NFATC3: variants seen among roughly 807,000 people sequenced by gnomAD.
NFATC3 encodes nuclear factor of activated T-cells, cytoplasmic 3.
In NFATC3, 46 loss-of-function variants were observed where a neutral mutation model predicts 98.6. That is an observed-to-expected ratio of 0.47 (90% CI 0.37 to 0.60). The LOEUF (loss-of-function observed/expected upper bound fraction) is 0.60. Among genes scored for constraint, NFATC3 ranks in the 20% least tolerant of loss-of-function variants. The pLI is 0.00. For missense variants in NFATC3, 1,256 were observed against 1,295.5 expected (o/e 0.97, Z 0.47); for synonymous variants, 512 against 472.2 (o/e 1.08, Z -1.09).
intron 2 of NFATC3, 36 bp from the exon 3 acceptor site, chr16:68,126,412 C>T (rs371911509): frequency 1.1e-5 from 17 of 1,581,908 alleles, no homozygotes; most frequent in Admixed American, 6.9e-5. Context: ...GCAATAATAG[C>T]ATGGTGACAT....
At chr16:68,182,506 A>C (rs777244603) in intron 7 of NFATC3, among the ~76,000 whole-genome samples, 339 of 152,116 alleles carry the variant, frequency 2.2e-3, no homozygotes, top group Non-Finnish European at 2.0e-3. Context: ...CATTTGGATT[A>C]TTTTATTTTT....
At chr16:68,218,365 A>G (rs2041714757) in intron 9 of NFATC3, among the ~76,000 whole-genome samples, 1 of 151,586 alleles carries the variant, frequency 6.6e-6, no homozygotes, top group African/African-American at 2.4e-5. Context: ...ACTTGAGTTC[A>G]GGAGTTTGAG....
intron 1 of NFATC3, among the ~76,000 whole-genome samples, chr16:68,105,998 C>T (rs917122400): frequency 2.6e-5 from 4 of 152,020 alleles, no homozygotes; most frequent in Non-Finnish European, 2.9e-5. Flanking sequence ...CCTGCCTCAG[C>T]CTCCCTAGTA....
At chr16:68,215,244 G>A (rs1464092267) in intron 9 of NFATC3, among the ~76,000 whole-genome samples, 1 of 152,130 alleles carries the variant, frequency 6.6e-6, no homozygotes, top group Non-Finnish European at 1.5e-5. Flanking sequence ...ACTTCTCCCA[G>A]AACTGGGCCT....
At chr16:68,095,309 G>GT (rs1451607636) in intron 1 of NFATC3, among the ~76,000 whole-genome samples, 1 of 150,414 alleles carries the variant, frequency 6.6e-6, no homozygotes, top group East Asian at 2.0e-4. Flanking sequence ...AGTAGCTGAA[G>GT]TAGCTGGGAT....
chr16:68,217,464 CAAAAAAAAAAAAAAA>C (rs68079157), intron 9 of NFATC3, among the ~76,000 whole-genome samples: 1 of 44,962 alleles, frequency 2.2e-5, no homozygotes, highest in East Asian at 7.8e-4. Flanking sequence ...GTCTCTGTCT[CAAAAAAAAAAAAAAA>C]AAAAAAAAAA....
chr16:68,206,334 T>G (rs1372310159), intron 9 of NFATC3, among the ~76,000 whole-genome samples: 1 of 152,196 alleles, frequency 6.6e-6, no homozygotes, highest in Admixed American at 6.5e-5. Context: ...CCACCACCAC[T>G]TTCTATTTCC....
chr16:68,111,470 G>T (rs975605647), intron 1 of NFATC3, among the ~76,000 whole-genome samples: 4 of 151,968 alleles, frequency 2.6e-5, no homozygotes, highest in African/African-American at 9.7e-5. Context: ...CCTTCCATTT[G>T]CTTTGTAAAT....
intron 9 of NFATC3, among the ~76,000 whole-genome samples, chr16:68,198,733 G>A (rs1181742342): frequency 6.6e-6 from 1 of 152,008 alleles, no homozygotes; most frequent in African/African-American, 2.4e-5. Context: ...AATATACCCT[G>A]TCTCTACCAA....
At chr16:68,221,248 G>T (rs372003245) in intron 9 of NFATC3, 3 of 1,613,968 alleles carry the variant, frequency 1.9e-6, no homozygotes, top group African/African-American at 2.7e-5. Flanking sequence ...CTACGTTTTG[G>T]CCAGTCCCAG....
At chr16:68,174,771 C>T (rs1399873270) in intron 6 of NFATC3, among the ~76,000 whole-genome samples, 6 of 152,072 alleles carry the variant, frequency 3.9e-5, no homozygotes, top group Admixed American at 3.9e-4. Context: ...TCACTTAGGC[C>T]CAGAAGTTCT....
chr16:68,207,851 T>C (rs2151150031), intron 9 of NFATC3, among the ~76,000 whole-genome samples: 1 of 152,296 alleles, frequency 6.6e-6, no homozygotes, highest in African/African-American at 2.4e-5. Flanking sequence ...GGCTTTCAGT[T>C]TCTTTATACC....
chr16:68,221,000 G>T (rs188017398), intron 9 of NFATC3, among the ~76,000 whole-genome samples: 1 of 152,146 alleles, frequency 6.6e-6, no homozygotes, highest in Non-Finnish European at 1.5e-5. Context: ...TCCTGCCTTG[G>T]CTTCCCCTAG....
rs7198730 is a variant in NFATC3, at chr16:68,151,555, G to A, written c.1402-6314G>A. 6.2e-3 allele frequency among the ~76,000 whole-genome samples: 941 copies of A among 152,208 alleles called. 10 individuals are homozygous for A. Among genetic ancestry groups the A allele is most frequent in the African/African-American group, 0.022 (898 of 41,522 alleles). On this transcript the variant is annotated intron_variant, in intron 3 of 9. Coordinates refer to ENST00000346183, the MANE Select transcript of NFATC3 (RefSeq NM_173165.3). Reference sequence around the variant, plus strand: ...TTCCTTATACATGAATGTCTGATGGGATATTCTCAAATTCTGTGAGATGTA... The same window carrying A: ...TTCCTTATACATGAATGTCTGATGGAATATTCTCAAATTCTGTGAGATGTA...
intron 3 of NFATC3, among the ~76,000 whole-genome samples, chr16:68,144,988 G>T (rs74626917): frequency 2.6e-3 from 388 of 151,802 alleles, no homozygotes; most frequent in African/African-American, 8.7e-3. Flanking sequence ...AATTTTTTTC[G>T]TAGAGATGGC....
At chr16:68,218,399 C>A (rs758682112) in intron 9 of NFATC3, among the ~76,000 whole-genome samples, 1 of 150,598 alleles carries the variant, frequency 6.6e-6, no homozygotes, top group African/African-American at 2.4e-5. Context: ...ACATGGCAAA[C>A]CCTGTTTCTA....
At chr16:68,101,628 C>T (rs567917534) in intron 1 of NFATC3, among the ~76,000 whole-genome samples, 6 of 152,018 alleles carry the variant, frequency 3.9e-5, no homozygotes, top group South Asian at 4.2e-4. Context: ...GGACTACAGG[C>T]GCCTGCCACC....
At chr16:68,171,702 T>C (rs1320708257) in intron 5 of NFATC3, among the ~76,000 whole-genome samples, 3 of 152,118 alleles carry the variant, frequency 2.0e-5, no homozygotes, top group Non-Finnish European at 2.9e-5. Flanking sequence ...CTCAAATTCC[T>C]GACCTCAGGT....
chr16:68,162,648 A>T (rs796921415), intron 4 of NFATC3, among the ~76,000 whole-genome samples: 1 of 151,782 alleles, frequency 6.6e-6, no homozygotes. Context: ...GAATTGGGCA[A>T]CACTTCATTC....
Sources: gnomAD v4.1 joint callset for allele counts (sites outside exome capture counted in the v4.1 genomes callset) on GRCh38, gnomAD v4.1.1 for gene constraint, MANE v1.5 for transcripts, NCBI Gene and HGNC (gene_info 2026-07-23, HGNC 2026-07-21) for gene names.